The following TTC21B variants were observed in gnomAD, a reference collection of about 807,000 sequenced individuals.
TTC21B encodes tetratricopeptide repeat domain 21B, also known as tetratricopeptide repeat protein 21B.
TTC21B carries 127 observed loss-of-function variants against 175.1 expected under a neutral mutation model. The observed-to-expected ratio is 0.73, with a 90% CI of 0.63 to 0.84. The LOEUF (loss-of-function observed/expected upper bound fraction) is 0.84. Among genes scored for constraint, TTC21B ranks in the 40% least tolerant of loss-of-function variants. The pLI, the probability that TTC21B is intolerant of heterozygous loss-of-function variation, is 0.00. For missense variants in TTC21B, 1,561 were observed against 1,558.3 expected (o/e 1.00, Z -0.03); for synonymous variants, 524 against 524.5 (o/e 1.00, Z 0.01).
At position 165,907,696 on chromosome 2, in the gene TTC21B, C is replaced by T. The variant is rs144151561; in HGVS notation, c.2550G>A (p.Ala850=). ...VYSKMEKLGD[A]ITALQQAREL... is the part of the protein sequence containing the mutation. ...TGTTTACCTGTTGTAATGCAGTGAT[C>T]GCATCACCAAGTTTTTCCATTTTAC... Residue 850 remains alanine, a synonymous_variant, in exon 19 of 29, where the codon GCG becomes GCA. Transcript: ENST00000243344. The T allele has an allele frequency of 8.2e-5, 132 of 1,610,698 alleles. No individual in the cohort carries two copies. Among genetic ancestry groups the T allele is most frequent in the Non-Finnish European group, 1.0e-4 (119 of 1,177,864 alleles).
intron 13 of TTC21B, among the ~76,000 whole-genome samples, 172 bp from the exon 14 acceptor site, chr2:165,917,653 C>T (rs1253513234): frequency 6.6e-6 from 1 of 152,162 alleles, no homozygotes; most frequent in African/African-American, 2.4e-5. Flanking sequence ...CACATTAAAT[C>T]GGATTCAGGA....
Position 165,953,743 on chromosome 2 carries a change from G to A in TTC21B, c.-38C>T. On this transcript the variant is annotated 5_prime_UTR_variant, in exon 1 of 29. Coordinates refer to ENST00000243344, the MANE Select transcript of TTC21B (RefSeq NM_024753.5). ...GCCGGGCCGCGGGGCTCTGGGGATT[G>A]TCTCGCCGCAGCCTAAAGGAAGACG... 1.9e-6 allele frequency: 3 copies of A among 1,548,270 alleles called. No individual in the cohort carries two copies. The highest frequency in any genetic ancestry group is 1.4e-5 in the African/African-American group (1 of 72,642).
intron 6 of TTC21B, among the ~76,000 whole-genome samples, chr2:165,936,705 T>C (rs1336359961): frequency 6.6e-6 from 1 of 151,992 alleles, no homozygotes; most frequent in Admixed American, 6.6e-5. Flanking sequence ...CCACATCATG[T>C]CATCAGGGAA....
intron 20 of TTC21B, 140 bp from the exon 21 acceptor site, chr2:165,900,020 A>AAC: frequency 1.5e-6 from 1 of 669,120 alleles, no homozygotes; most frequent in Non-Finnish European, 2.7e-6. Context: ...AAAAAAAAAA[A>AAC]AAAACAACAG....
intron 22 of TTC21B, among the ~76,000 whole-genome samples, chr2:165,893,364 A>C (rs1348770047): frequency 6.6e-6 from 1 of 152,172 alleles, no homozygotes; most frequent in East Asian, 1.9e-4. Context: ...ATTTCGGATT[A>C]AATTTTTTTT....
In TTC21B at chr2:165,874,709, A is replaced by C. The variant is rs1684608646; in HGVS notation, c.*46T>G. ...TTGAACAGGAAGAACTGAAAGTTAG[A>C]TTTCTTTCATTTCCTGTTAAACCAA... is the stretch of plus-strand genomic sequence containing the variant. On this transcript the variant is annotated 3_prime_UTR_variant, in exon 29 of 29. Coordinates refer to ENST00000243344, the MANE Select transcript of TTC21B (RefSeq NM_024753.5). 1 of 1,529,594 alleles carries C rather than the reference A, an allele frequency of 6.5e-7. No individual in the cohort carries two copies. The highest frequency in any genetic ancestry group is 9.1e-7 in the Non-Finnish European group (1 of 1,103,406). 94.8% of individuals were successfully genotyped at this position (1,529,594 alleles called of 1,614,324 possible).
intron 6 of TTC21B, among the ~76,000 whole-genome samples, chr2:165,938,165 A>G (rs1687230193): frequency 6.6e-6 from 1 of 152,056 alleles, no homozygotes; most frequent in Non-Finnish European, 1.5e-5. Context: ...CTGAGCCACT[A>G]ATCAATTACC....
chr2:165,895,595 G>A (rs1386721033), intron 22 of TTC21B, among the ~76,000 whole-genome samples: 1 of 152,156 alleles, frequency 6.6e-6, no homozygotes, highest in East Asian at 1.9e-4. Context: ...ACTTTTAAAT[G>A]GTAGTTTAGA....
chr2:165,888,536 A>G (rs1685085009), intron 24 of TTC21B, 62 bp from the exon 25 acceptor site: 4 of 1,352,558 alleles, frequency 3.0e-6, no homozygotes, highest in Non-Finnish European at 4.2e-6. Context: ...CATTGAGATT[A>G]GAATCAGCTT....
chr2:165,941,413 G>A (rs1250617895), intron 5 of TTC21B, among the ~76,000 whole-genome samples: 1 of 152,010 alleles, frequency 6.6e-6, no homozygotes, highest in Non-Finnish European at 1.5e-5. Context: ...TGAAAAACAT[G>A]ATTAAAGGAT....
chr2:165,927,350 A>T (rs572464612), intron 11 of TTC21B, among the ~76,000 whole-genome samples: 5 of 89,534 alleles, frequency 5.6e-5, no homozygotes, highest in African/African-American at 1.9e-4. Context: ...TATATATATA[A>T]TATATTTTAT....
At chr2:165,921,564 A>G (rs1267463813) in intron 12 of TTC21B, among the ~76,000 whole-genome samples, 4 of 152,178 alleles carry the variant, frequency 2.6e-5, no homozygotes, top group South Asian at 2.1e-4. Flanking sequence ...AGGGACCTCC[A>G]AATTTGCAGC....
intron 5 of TTC21B, among the ~76,000 whole-genome samples, chr2:165,941,479 A>AGG (rs1553515764): frequency 4.8e-5 from 1 of 20,798 alleles, no homozygotes; most frequent in African/African-American, 1.6e-4. Flanking sequence ...CATTTAAAAC[A>AGG]AAATTATCTT....
chr2:165,901,481 G>A lies in TTC21B; in HGVS notation c.2757+241C>T, dbSNP rs190893200. Among the ~76,000 whole-genome samples, 277 of 151,752 alleles carry A rather than the reference G, an allele frequency of 1.8e-3. 1 individual carries two copies. Among genetic ancestry groups the A allele is most frequent in the African/African-American group, 6.4e-3 (265 of 41,412 alleles). On this transcript the variant is annotated intron_variant, in intron 20 of 28. Coordinates refer to ENST00000243344, the MANE Select transcript of TTC21B (RefSeq NM_024753.5). Reference sequence around the variant, plus strand: ...GATTACAGGAGGCGCCCCCCACCACGCTGGCTAATTTTTGTATTTTCAGTA... The same window carrying A: ...GATTACAGGAGGCGCCCCCCACCACACTGGCTAATTTTTGTATTTTCAGTA...
At chr2:165,912,951 C>T (rs1335675395) in intron 16 of TTC21B, among the ~76,000 whole-genome samples, 2 of 152,106 alleles carry the variant, frequency 1.3e-5, no homozygotes, top group African/African-American at 4.8e-5. Flanking sequence ...AGGATTGGTT[C>T]CCTTTGAAGA....
At chr2:165,918,781 G>T (rs1450036287) in intron 13 of TTC21B, among the ~76,000 whole-genome samples, 1 of 152,062 alleles carries the variant, frequency 6.6e-6, no homozygotes, top group African/African-American at 2.4e-5. Context: ...TAATATCTTG[G>T]ATAGAAAAGT....
chr2:165,892,351 T>C (rs1685223450), intron 22 of TTC21B, among the ~76,000 whole-genome samples: 1 of 152,156 alleles, frequency 6.6e-6, no homozygotes, highest in African/African-American at 2.4e-5. Context: ...ATTCAGCAAC[T>C]TTCCTGAGTA....
chr2:165,936,417 A>T (rs1177747189), intron 6 of TTC21B, among the ~76,000 whole-genome samples: 1 of 152,142 alleles, frequency 6.6e-6, no homozygotes, highest in Non-Finnish European at 1.5e-5. Context: ...CATTTTAGAT[A>T]ATACACAAAA....
At chr2:165,893,359 G>C (rs115565386) in intron 22 of TTC21B, among the ~76,000 whole-genome samples, 1 of 152,020 alleles carries the variant, frequency 6.6e-6, no homozygotes, top group East Asian at 1.9e-4. Context: ...TTAAAATTTC[G>C]GATTAAATTT....
Sources: allele counts gnomAD v4.1 joint callset (sites outside exome capture counted in the v4.1 genomes callset), GRCh38; gene constraint gnomAD v4.1.1; transcripts MANE v1.5; gene names NCBI Gene and HGNC (gene_info 2026-07-23, HGNC 2026-07-21).